The following MS4A12 variants were observed in gnomAD, a reference collection of about 807,000 sequenced individuals.
MS4A12 encodes membrane spanning 4-domains A12.
In MS4A12, 28 loss-of-function variants were observed where a neutral mutation model predicts 23.7. The ratio of observed to expected loss-of-function variants is 1.18; its 90% CI spans 0.88 to 1.62. The LOEUF is 1.62. Ranked by LOEUF, MS4A12 falls within the 40% of genes most tolerant of loss-of-function variation. MS4A12 has a pLI of 0.00. For synonymous variants in MS4A12, 108 were observed against 110.1 expected, an observed-to-expected ratio of 0.98 and a Z score of 0.12; for missense variants, 342 against 327.0, an observed-to-expected ratio of 1.05 and a Z score of -0.35.
intron 3 of MS4A12, among the ~76,000 whole-genome samples, chr11:60,501,563 A>T (rs182455466): frequency 6.6e-6 from 1 of 152,318 alleles, no homozygotes; most frequent in East Asian, 1.9e-4. Flanking sequence ...AAAATATGCA[A>T]GTAAGCCAGG....
At chr11:60,503,288 A>C (rs1427371847) in intron 4 of MS4A12, among the ~76,000 whole-genome samples, 1 of 152,220 alleles carries the variant, frequency 6.6e-6, no homozygotes, top group East Asian at 1.9e-4. Context: ...CATCTATAAA[A>C]TCATATGCTA....
intron 2 of MS4A12, among the ~76,000 whole-genome samples, chr11:60,499,404 G>A (rs1342211340): frequency 3.9e-5 from 6 of 152,242 alleles, no homozygotes; most frequent in African/African-American, 1.4e-4. Context: ...CAAGGTGACA[G>A]CAAGGATGAG....
At chr11:60,501,212 C>G in intron 3 of MS4A12, 30 bp downstream of exon 3, 1 of 1,565,884 alleles carries the variant, frequency 6.4e-7, no homozygotes, top group South Asian at 1.2e-5. Context: ...ACCAGTCCTT[C>G]TTGGTTTATA....
chr11:60,498,437 CTAAGCTGTGGAGG>C (rs1259132228), intron 2 of MS4A12, among the ~76,000 whole-genome samples: 4 of 152,164 alleles, frequency 2.6e-5, no homozygotes, highest in Admixed American at 6.5e-5. Flanking sequence ...AGCCTATTTA[CTAAGCTGTGGAGG>C]TGGCCCTTCT....
intron 5 of MS4A12, among the ~76,000 whole-genome samples, chr11:60,504,551 T>C (rs2086556871): frequency 6.6e-6 from 1 of 152,248 alleles, no homozygotes. Flanking sequence ...GGGTTGGTTT[T>C]GCTTTTGCTT....
At chr11:60,494,850 C>T (rs1202845375) in intron 1 of MS4A12, among the ~76,000 whole-genome samples, 3 of 152,120 alleles carry the variant, frequency 2.0e-5, no homozygotes, top group Non-Finnish European at 2.9e-5. Context: ...AATATTTGGC[C>T]ACCGAAACCA....
At chr11:60,501,306 C>A in intron 3 of MS4A12, 124 bp downstream of exon 3, 1 of 1,109,014 alleles carries the variant, frequency 9.0e-7, no homozygotes, top group South Asian at 2.4e-5. Context: ...CATCTGAGGG[C>A]TGGAGAATTT....
At chr11:60,505,266 G>C (rs1324497261) in intron 5 of MS4A12, among the ~76,000 whole-genome samples, 2 of 152,022 alleles carry the variant, frequency 1.3e-5, no homozygotes, top group African/African-American at 4.8e-5. Context: ...AAAACCATCA[G>C]ATCTCATGAG....
At chr11:60,496,128 C>A (rs1388147346) in intron 1 of MS4A12, among the ~76,000 whole-genome samples, 1 of 152,180 alleles carries the variant, frequency 6.6e-6, no homozygotes, top group East Asian at 1.9e-4. Context: ...TGGAAAGGGT[C>A]TTTTCTACCC....
At chr11:60,499,983 G>A (rs2086517686) in intron 2 of MS4A12, among the ~76,000 whole-genome samples, 1 of 152,052 alleles carries the variant, frequency 6.6e-6, no homozygotes, top group African/African-American at 2.4e-5. Flanking sequence ...TTTAAAAAAG[G>A]ACAATATACA....
chr11:60,501,227 A>T, intron 3 of MS4A12, 45 bp downstream of exon 3: 1 of 1,537,478 alleles, frequency 6.5e-7, no homozygotes, highest in Non-Finnish European at 8.8e-7. Flanking sequence ...TTTATAAAGT[A>T]TTCCCTCTTG....
At chr11:60,503,872 G>T (rs760389379) in intron 5 of MS4A12, 55 bp downstream of exon 5, 1 of 1,483,606 alleles carries the variant, frequency 6.7e-7, no homozygotes, top group South Asian at 1.2e-5. Context: ...CCGTAAAGTG[G>T]GTCTATGTTT....
intron 5 of MS4A12, among the ~76,000 whole-genome samples, chr11:60,505,745 A>T (rs1455559685): frequency 6.6e-6 from 1 of 152,172 alleles, no homozygotes; most frequent in African/African-American, 2.4e-5. Flanking sequence ...CTGTGAAAGG[A>T]TAAAGCAAAT....
Position 60,503,756 on chromosome 11 carries a change from T to C in MS4A12, c.527T>C (p.Val176Ala). The C allele has an allele frequency of 1.2e-6, 2 of 1,613,950 alleles. No homozygotes were observed. The highest frequency in any genetic ancestry group is 2.7e-5 in the African/African-American group (2 of 75,044). Residue 176 changes from valine to alanine, a missense_variant, in exon 5 of 7, where the codon GTG becomes GCG. Coordinates refer to ENST00000016913, the MANE Select transcript of MS4A12 (RefSeq NM_017716.3). Reference sequence around the variant, plus strand: ...AGTTCTATCTTGGCCTTCATTGGAGTGATTCTGCTGCTGGTGGATATGTGC... The same window carrying C: ...AGTTCTATCTTGGCCTTCATTGGAGCGATTCTGCTGCTGGTGGATATGTGC... ...IVSSILAFIG[V>A]ILLLVDMCIN...
rs537834442 is a variant in MS4A12, at chr11:60,497,493, A to G, written c.175A>G (p.Ile59Val). Reference protein sequence around the residue: ...AQPYGITSPGIFASSQPGQGN... With the variant: ...AQPYGITSPGVFASSQPGQGN... ...GCCCTACGGCATCACATCTCCGGGA[A>G]TCTTTGCTAGCAGTCAACCGGGTCA... The change falls in exon 2 of 7, where the codon ATC becomes GTC. Residue 59 changes from isoleucine (I) to valine (V), a missense_variant. Physicochemically the swap from Ile to Val is conservative, Grantham distance 29. Coordinates refer to ENST00000016913, the MANE Select transcript of MS4A12 (RefSeq NM_017716.3). 13 of 1,614,200 alleles carry G rather than the reference A, an allele frequency of 8.1e-6. No individual in the cohort carries two copies. In the African/African-American group the frequency reaches 1.3e-4, roughly 17 times the overall value.
chr11:60,499,631 A>G (rs1222425929), intron 2 of MS4A12, among the ~76,000 whole-genome samples: 2 of 152,356 alleles, frequency 1.3e-5, no homozygotes, highest in African/African-American at 4.8e-5. Context: ...TGATGTCTCA[A>G]GAAACTTTTA....
chr11:60,497,348 T>C lies in MS4A12; in HGVS notation c.30T>C (p.Ala10=). 6.2e-7 allele frequency: 1 copy of C among 1,614,094 alleles called. No individual in the cohort carries two copies. The highest frequency in any genetic ancestry group is 8.5e-7 in the Non-Finnish European group (1 of 1,179,982). ...TGTCATCCAAGCCAACAAGCCATGC[T>C]GAAGTAAATGAAACCATACCCAACC... MMSSKPTSH[A]EVNETIPNPY... Residue 10 remains alanine, a synonymous_variant, in exon 2 of 7, where the codon GCT becomes GCC. Coordinates refer to ENST00000016913, the MANE Select transcript of MS4A12 (RefSeq NM_017716.3).
At position 60,506,823 on chromosome 11, in the gene MS4A12, C is replaced by T. The variant is rs1388484219; in HGVS notation, c.684C>T (p.Asn228=). The change falls in exon 6 of 7, where the codon AAC becomes AAT. Residue 228 remains asparagine (N), a synonymous_variant. Transcript: ENST00000016913. ...CATAHFANQA[N]TTTNMSVLVI... is the part of the protein sequence containing the mutation. ...CAGCCCATTTTGCCAACCAAGCAAA[C>T]ACCACAACCAATATGGTGAGTTGGG... 1 of 1,613,108 alleles carries T rather than the reference C, an allele frequency of 6.2e-7. No individual in the cohort carries two copies. The highest frequency in any genetic ancestry group is 8.5e-7 in the Non-Finnish European group (1 of 1,179,138).
chr11:60,498,637 T>C (rs1421512785), intron 2 of MS4A12, among the ~76,000 whole-genome samples: 1 of 152,078 alleles, frequency 6.6e-6, no homozygotes, highest in Non-Finnish European at 1.5e-5. Flanking sequence ...ACTGTATACA[T>C]AATAAGGAAG....
Sources: gnomAD v4.1 joint callset for allele counts (sites outside exome capture counted in the v4.1 genomes callset) on GRCh38, gnomAD v4.1.1 for gene constraint, MANE v1.5 for transcripts, NCBI Gene and HGNC (gene_info 2026-07-23, HGNC 2026-07-21) for gene names.